The following RAB27A variants were observed in gnomAD, a reference collection of about 807,000 sequenced individuals.
The protein encoded by RAB27A is ras-related protein Rab-27A.
In RAB27A, 17 loss-of-function variants were observed where a neutral mutation model predicts 20.8. The ratio of observed to expected loss-of-function variants is 0.82; its 90% CI spans 0.56 to 1.23. The LOEUF (loss-of-function observed/expected upper bound fraction) is 1.23. Ranked by LOEUF, RAB27A falls within the 50% of genes most tolerant of loss-of-function variation. The pLI is 0.00. For synonymous variants in RAB27A, 85 were observed against 92.8 expected (o/e 0.92, Z 0.48); for missense variants, 277 against 266.7 (o/e 1.04, Z -0.27).
At chr15:55,214,227 G>C (rs1895162741) in intron 6 of RAB27A, among the ~76,000 whole-genome samples, 1 of 152,094 alleles carries the variant, frequency 6.6e-6, no homozygotes, top group Non-Finnish European at 1.5e-5. Context: ...ACGAAGTCGG[G>C]AGATCGAGAC....
At chr15:55,245,492 A>T (rs991642981) in intron 2 of RAB27A, among the ~76,000 whole-genome samples, 1 of 152,248 alleles carries the variant, frequency 6.6e-6, no homozygotes, top group African/African-American at 2.4e-5. Flanking sequence ...TCAGAATATT[A>T]GATAACTGCA....
At chr15:55,237,622 C>G (rs1189811807) in intron 2 of RAB27A, among the ~76,000 whole-genome samples, 2 of 152,214 alleles carry the variant, frequency 1.3e-5, no homozygotes. Flanking sequence ...CGTCATATCA[C>G]AGCATCACAC....
At chr15:55,210,425 T>G (rs1245817842) in intron 6 of RAB27A, among the ~76,000 whole-genome samples, 1 of 144,670 alleles carries the variant, frequency 6.9e-6, no homozygotes, top group Non-Finnish European at 1.5e-5. Flanking sequence ...TTTTTTTTTT[T>G]GAGGGGGGGG....
chr15:55,234,810 A>T lies in RAB27A; in HGVS notation c.125T>A (p.Val42Glu). ...TCTTTTTTCCCTGAAATCAATGCCC[A>T]CTGTTGTGATAAATTTGGAGTTAAA... ...GKFNSKFITT[V>E]GIDFREKRVV... is the part of the protein sequence containing the mutation. Residue 42 changes from valine to glutamate, a missense_variant, in exon 3 of 7, where the codon GTG becomes GAG. Val to Glu is a moderately radical substitution (Grantham distance 121). Coordinates refer to ENST00000336787, the MANE Select transcript of RAB27A (RefSeq NM_183235.3). 6.2e-7 allele frequency: 1 copy of T among 1,611,884 alleles called. No individual in the cohort carries two copies. Among genetic ancestry groups the T allele is most frequent in the Non-Finnish European group, 8.5e-7 (1 of 1,178,222 alleles).
At chr15:55,261,929 C>T (rs1411234380) in intron 2 of RAB27A, among the ~76,000 whole-genome samples, 3 of 149,902 alleles carry the variant, frequency 2.0e-5, no homozygotes, top group African/African-American at 7.4e-5. Context: ...CCCAGCTACT[C>T]GGGAGGCTGA....
At chr15:55,225,196 T>C (rs1895749184) in intron 5 of RAB27A, among the ~76,000 whole-genome samples, 1 of 152,198 alleles carries the variant, frequency 6.6e-6, no homozygotes, top group Admixed American at 6.5e-5. Context: ...GGCTCTGTGC[T>C]CTGTTAATGC....
rs1897247801 is a variant in RAB27A at position 55,260,949 on chromosome 15, A to G, written c.-23+9216T>C. Among the ~76,000 whole-genome samples the G allele has an allele frequency of 2.6e-5, 4 of 151,962 alleles. No homozygotes were observed. In the South Asian group the frequency reaches 8.3e-4, roughly 32 times the overall value. On this transcript the variant is annotated intron_variant, in intron 2 of 6. Transcript: ENST00000336787. Reference sequence around the variant, plus strand: ...ATGGACTTTGGATGATAATGTGTCAATAGAGGTTCATCATGTGTAACAAAC... The same window carrying G: ...ATGGACTTTGGATGATAATGTGTCAGTAGAGGTTCATCATGTGTAACAAAC...
At chr15:55,263,706 G>A (rs748766276) in intron 2 of RAB27A, among the ~76,000 whole-genome samples, 63 of 152,242 alleles carry the variant, frequency 4.1e-4, no homozygotes, top group Admixed American at 3.9e-3. Context: ...TAAAGAAGCC[G>A]AACCCAAATT....
chr15:55,281,703 G>A (rs780940411), intron 1 of RAB27A, among the ~76,000 whole-genome samples: 16 of 150,594 alleles, frequency 1.1e-4, no homozygotes, highest in Admixed American at 2.0e-4. Flanking sequence ...AGGAAGAAGA[G>A]AAAGGAAGGG....
At chr15:55,249,014 C>T (rs1896791139) in intron 2 of RAB27A, 1 of 152,176 alleles carries the variant, frequency 6.6e-6, no homozygotes, top group Non-Finnish European at 1.5e-5. Flanking sequence ...CCTTATTTCA[C>T]CTATTATTCA....
chr15:55,309,929 C>T (rs2055013183), intron 2 of RAB27A, among the ~76,000 whole-genome samples: 1 of 151,980 alleles, frequency 6.6e-6, no homozygotes, highest in African/African-American at 2.4e-5. Context: ...GGGGTACTGC[C>T]TTTGGTAGGG....
At chr15:55,220,873 C>T (rs1895537735) in intron 6 of RAB27A, among the ~76,000 whole-genome samples, 1 of 152,208 alleles carries the variant, frequency 6.6e-6, no homozygotes, top group African/African-American at 2.4e-5. Context: ...GCCAAACAGC[C>T]TACCAAACTA....
At chr15:55,255,702 G>A (rs758514829) in intron 2 of RAB27A, among the ~76,000 whole-genome samples, 9 of 152,138 alleles carry the variant, frequency 5.9e-5, no homozygotes, top group South Asian at 2.1e-4. Flanking sequence ...TTCCAGTACG[G>A]TGCTAGCAAC....
At chr15:55,305,507 G>C (rs193007794) in intron 2 of RAB27A, among the ~76,000 whole-genome samples, 7 of 152,174 alleles carry the variant, frequency 4.6e-5, no homozygotes, top group African/African-American at 7.2e-5. Context: ...GTCCAAAGAG[G>C]AGTAACAATA....
At chr15:55,241,405 G>T (rs1321319737) in intron 2 of RAB27A, among the ~76,000 whole-genome samples, 2 of 151,750 alleles carry the variant, frequency 1.3e-5, no homozygotes, top group African/African-American at 4.9e-5. Flanking sequence ...ATTAACAATA[G>T]AAAGCAAGGA....
intron 2 of RAB27A, among the ~76,000 whole-genome samples, chr15:55,247,128 G>C (rs1203806218): frequency 6.6e-6 from 1 of 152,036 alleles, no homozygotes; most frequent in African/African-American, 2.4e-5. Flanking sequence ...AGAATGGAGT[G>C]GAAATATTTC....
chr15:55,286,219 C>T (rs962017388), intron 1 of RAB27A, among the ~76,000 whole-genome samples: 4 of 152,214 alleles, frequency 2.6e-5, no homozygotes, highest in African/African-American at 9.6e-5. Context: ...ATCCCTATTG[C>T]TCTGTCTTCT....
At chr15:55,291,388 T>C (rs1456938132), upstream of RAB27A, among the ~76,000 whole-genome samples, 10 of 151,832 alleles carry the variant, frequency 6.6e-5, no homozygotes. Context: ...CACGCGCCTG[T>C]AGTCTCAGCT....
chr15:55,221,591 T>C (rs1384360165), intron 6 of RAB27A, among the ~76,000 whole-genome samples: 1 of 152,154 alleles, frequency 6.6e-6, no homozygotes, highest in Admixed American at 6.5e-5. Flanking sequence ...TTTTAAAAGA[T>C]ACCAATGCCC....
Sources: allele counts gnomAD v4.1 joint callset (sites outside exome capture counted in the v4.1 genomes callset), GRCh38; gene constraint gnomAD v4.1.1; transcripts MANE v1.5; gene names NCBI Gene and HGNC (gene_info 2026-07-23, HGNC 2026-07-21).